Variants in ADGRE3 observed in about 807,000 individuals in gnomAD.
ADGRE3 encodes adhesion G protein-coupled receptor E3.
A neutral mutation model predicts 80.1 loss-of-function variants in ADGRE3; 88 were observed. The observed-to-expected ratio is 1.10, with a 90% confidence interval of 0.93 to 1.31. The LOEUF (loss-of-function observed/expected upper bound fraction) is 1.31, where lower values mean the gene tolerates loss of function less well. Among genes scored for constraint, ADGRE3 ranks in the 40% most tolerant of loss-of-function variants. The probability of loss-of-function intolerance (pLI) is 0.00; values close to 1 mark genes in which losing one functional copy is unlikely to be tolerated. For missense variants in ADGRE3, 715 were observed against 776.5 expected (o/e 0.92, Z 0.94); for synonymous variants, 281 against 294.8 (o/e 0.95, Z 0.48).
intron 14 of ADGRE3, among the ~76,000 whole-genome samples, chr19:14,626,081 A>C (rs887099852): frequency 2.0e-5 from 3 of 151,246 alleles, no homozygotes; most frequent in Non-Finnish European, 4.4e-5. Flanking sequence ...TAAAAAGGTA[A>C]ATTTTATATT....
chr19:14,648,233 G>A (rs1050970350), intron 7 of ADGRE3, among the ~76,000 whole-genome samples: 2 of 152,030 alleles, frequency 1.3e-5, no homozygotes, highest in Admixed American at 6.6e-5. Flanking sequence ...ACCCTGGCTC[G>A]AATCCCTGGC....
chr19:14,658,503 C>G lies in ADGRE3; in HGVS notation c.393+10G>C. On this transcript the variant is annotated intron_variant, in intron 5 of 15. Transcript: ENST00000253673. ...ACCTGGGAAGGGTCTGGGGATCAGCCTCCACTCACCTCTTTCCTGCCCTCG... is the reference window on the plus strand; with the variant it reads ...ACCTGGGAAGGGTCTGGGGATCAGCGTCCACTCACCTCTTTCCTGCCCTCG... The G allele has an allele frequency of 1.3e-6, 2 of 1,557,524 alleles. No individual in the cohort carries two copies. The highest frequency in any genetic ancestry group is 1.2e-5 in the South Asian group (1 of 83,706).
chr19:14,611,588 C>G, the ADGRE3 span, among the ~76,000 whole-genome samples: 1 of 151,978 alleles, frequency 6.6e-6, no homozygotes, highest in African/African-American at 2.4e-5. Context: ...AAAGCAAGAC[C>G]CCTACATAGT....
the ADGRE3 span, chr19:14,607,001 G>A: frequency 7.8e-7 from 1 of 1,284,038 alleles, no homozygotes; most frequent in Middle Eastern, 2.0e-4. Context: ...AGAATTTTGT[G>A]GCCAAGGCCC....
chr19:14,633,147 C>CA lies in ADGRE3; in HGVS notation c.1551+88dup, dbSNP rs1490129642. 5.2e-6 allele frequency: 7 copies of CA among 1,339,542 alleles called. No individual in the cohort carries two copies. The African/African-American group carries it at 1.0e-4, about 19-fold the overall frequency. The allele number at this position is 1,339,542 out of a possible 1,614,324, so 83.0% of individuals were successfully genotyped here. A position where few individuals can be genotyped will look rare whatever the true frequency, so the allele number is the denominator to read the frequency against. ...GCAGGTGGAAAATCAAACCACCCAA[C>CA]AGTGGAAATGCAAGCCCCTTGTACC... On this transcript the variant is annotated intron_variant, in intron 12 of 15. Coordinates refer to ENST00000253673, the MANE Select transcript of ADGRE3 (RefSeq NM_032571.5).
At chr19:14,664,413 G>A (rs1035643538) in intron 2 of ADGRE3, among the ~76,000 whole-genome samples, 3 of 152,168 alleles carry the variant, frequency 2.0e-5, no homozygotes, top group Admixed American at 2.0e-4. Context: ...ATCGCACCAC[G>A]GTGAGAGGCA....
chr19:14,620,570 T>C, intron 15 of ADGRE3, among the ~76,000 whole-genome samples: 1 of 7,728 alleles, frequency 1.3e-4, no homozygotes, highest in Non-Finnish European at 2.2e-4. Context: ...ATATATATAT[T>C]TTTTTTTTTT....
intron 14 of ADGRE3, among the ~76,000 whole-genome samples, chr19:14,628,177 G>C (rs904301908): frequency 2.6e-5 from 4 of 151,634 alleles, no homozygotes; most frequent in African/African-American, 9.7e-5. Flanking sequence ...AACAAAAACT[G>C]GATGCTATGA....
chr19:14,667,201 G>A (rs1972126823), intron 2 of ADGRE3, among the ~76,000 whole-genome samples: 2 of 152,256 alleles, frequency 1.3e-5, no homozygotes, highest in South Asian at 4.1e-4. Flanking sequence ...GCTATGAAGT[G>A]AGACTTGGAG....
chr19:14,670,531 A>C (rs1444455674), intron 1 of ADGRE3, among the ~76,000 whole-genome samples: 1 of 152,142 alleles, frequency 6.6e-6, no homozygotes, highest in Non-Finnish European at 1.5e-5. Context: ...ACCTTTTTGG[A>C]AAATTGTCTG....
At chr19:14,620,676 T>C (rs1970583471) in intron 15 of ADGRE3, among the ~76,000 whole-genome samples, 1 of 140,726 alleles carries the variant, frequency 7.1e-6, no homozygotes, top group Non-Finnish European at 1.5e-5. Context: ...TTGCAACCTC[T>C]GCCTCCCGGG....
chr19:14,624,229 G>T (rs919041335), intron 15 of ADGRE3, among the ~76,000 whole-genome samples: 5 of 151,998 alleles, frequency 3.3e-5, no homozygotes, highest in Non-Finnish European at 5.9e-5. Flanking sequence ...CGAGTAGCTG[G>T]GATTACAGGC....
At chr19:14,646,398 C>A (rs1971399256) in intron 8 of ADGRE3, among the ~76,000 whole-genome samples, 1 of 151,988 alleles carries the variant, frequency 6.6e-6, no homozygotes, top group African/African-American at 2.4e-5. Context: ...ACAGGTGTGA[C>A]CTTTCTTCTT....
rs771845884 is a variant in ADGRE3, at chr19:14,668,801, CTT to C, written c.75_76del (p.Lys25AsnfsTer5). Reference sequence around the variant, plus strand: ...TCTCTGTTCTGGCTCTGAGCACTCACTTTTGGTTTTCTGAGTCACAGCTCCAA... The same window carrying C: ...TCTCTGTTCTGGCTCTGAGCACTCACTTGGTTTTCTGAGTCACAGCTCCAA... On this transcript the variant is annotated frameshift_variant and splice_region_variant, in exon 2 of 16. Coordinates refer to ENST00000253673, the MANE Select transcript of ADGRE3 (RefSeq NM_032571.5). LOFTEE classifies it high-confidence loss of function. The C allele has an allele frequency of 5.6e-6, 9 of 1,613,836 alleles. No individual in the cohort carries two copies. The East Asian group carries it at 1.8e-4, about 32-fold the overall frequency.
At chr19:14,659,722 G>A (rs1439683063) in intron 4 of ADGRE3, among the ~76,000 whole-genome samples, 1 of 148,646 alleles carries the variant, frequency 6.7e-6, no homozygotes, top group Non-Finnish European at 1.5e-5. Context: ...TCGGGAGGCT[G>A]AGGCAGGAGA....
At chr19:14,626,229 G>A (rs576124223) in intron 14 of ADGRE3, among the ~76,000 whole-genome samples, 1 of 152,200 alleles carries the variant, frequency 6.6e-6, no homozygotes, top group East Asian at 1.9e-4. Context: ...GAGGTCAGGA[G>A]ATTGAGACCA....
At chr19:14,624,226 C>T (rs138764528) in intron 15 of ADGRE3, among the ~76,000 whole-genome samples, 1,684 of 152,150 alleles carry the variant, frequency 0.011, 9 homozygotes, top group Non-Finnish European at 0.018. Context: ...TCCCGAGTAG[C>T]TGGGATTACA....
At chr19:14,637,535 A>C (rs1022751794) in intron 11 of ADGRE3, among the ~76,000 whole-genome samples, 3 of 148,918 alleles carry the variant, frequency 2.0e-5, no homozygotes, top group Admixed American at 6.9e-5. Context: ...CTGGGACTAC[A>C]GGTGTGAACC....
chr19:14,654,904 T>G, intron 6 of ADGRE3, 78 bp downstream of exon 6: 4 of 1,188,996 alleles, frequency 3.4e-6, no homozygotes, highest in Non-Finnish European at 4.8e-6. Flanking sequence ...GTATTCAATT[T>G]TTTTTTTCTA....
Sources: allele counts gnomAD v4.1 joint callset (sites outside exome capture counted in the v4.1 genomes callset), GRCh38; gene constraint gnomAD v4.1.1; transcripts MANE v1.5; gene names NCBI Gene and HGNC (gene_info 2026-07-23, HGNC 2026-07-21).